SRBD1: variants seen among roughly 807,000 people sequenced by gnomAD.
SRBD1 encodes S1 RNA binding domain 1.
In SRBD1, 88 loss-of-function variants were observed where a neutral mutation model predicts 115.3. The observed-to-expected ratio is 0.76, with a 90% CI of 0.64 to 0.91. SRBD1 has a LOEUF of 0.91. SRBD1 is among the 40% of genes least tolerant of loss of function. The pLI is 0.00. For synonymous variants in SRBD1, 509 were observed against 407.7 expected, an observed-to-expected ratio of 1.25 and a Z score of -2.99; for missense variants, 1,385 against 1,177.4, an observed-to-expected ratio of 1.18 and a Z score of -2.58.
intron 11 of SRBD1, among the ~76,000 whole-genome samples, chr2:45,552,227 G>C (rs1672323794): frequency 6.6e-6 from 1 of 152,188 alleles, no homozygotes; most frequent in Non-Finnish European, 1.5e-5. Context: ...AACAAACCAA[G>C]TGGGAGTGTC....
In SRBD1 at chr2:45,507,628, G is replaced by T. The variant is rs546546611; in HGVS notation, c.1875-19297C>A. Reference sequence around the variant, plus strand: ...CCCAGCTACTCAAGAGGCTGAGGCAGGAGAATTGCTTGAACCCAAGAGGTG... The same window carrying T: ...CCCAGCTACTCAAGAGGCTGAGGCATGAGAATTGCTTGAACCCAAGAGGTG... On this transcript the variant is annotated intron_variant, in intron 14 of 20. Transcript: ENST00000263736. Among the ~76,000 whole-genome samples the T allele has an allele frequency of 2.0e-5, 3 of 152,040 alleles. No homozygotes were observed. In the South Asian group the frequency reaches 6.2e-4, roughly 32 times the overall value.
Position 45,605,373 on chromosome 2 carries a change from T to A in SRBD1, c.69A>T (p.Ser23=). 1.2e-6 allele frequency: 2 copies of A among 1,613,484 alleles called. No individual in the cohort carries two copies. Among genetic ancestry groups the A allele is most frequent in the Non-Finnish European group, 1.7e-6 (2 of 1,179,884 alleles). ...QDVVLKDEFS[S]FSELSSASEE... is the part of the protein sequence containing the mutation. ...ACCAGTATGCTTACAACTCAGAGAA[T>A]GAAGAAAATTCATCTTTCAGTACCA... is the stretch of plus-strand genomic sequence containing the variant. The change falls in exon 2 of 21, where the codon TCA becomes TCT. Residue 23 remains serine, a synonymous_variant. Coordinates refer to ENST00000263736, the MANE Select transcript of SRBD1 (RefSeq NM_018079.5).
intron 16 of SRBD1, among the ~76,000 whole-genome samples, chr2:45,457,769 T>C (rs1010106553): frequency 5.9e-5 from 9 of 152,020 alleles, no homozygotes; most frequent in African/African-American, 9.7e-5. Flanking sequence ...AGCTGTTGAC[T>C]TCAAGAGACC....
At chr2:45,500,970 G>A (rs182312837) in intron 14 of SRBD1, among the ~76,000 whole-genome samples, 16 of 152,160 alleles carry the variant, frequency 1.1e-4, no homozygotes, top group East Asian at 7.7e-4. Flanking sequence ...CTGTATCTTA[G>A]TAGAAAGGCT....
intron 6 of SRBD1, among the ~76,000 whole-genome samples, chr2:45,581,272 T>A (rs1337020604): frequency 1.3e-5 from 2 of 152,140 alleles, no homozygotes; most frequent in Admixed American, 1.3e-4. Flanking sequence ...ACATCCTCCA[T>A]CCACACTTCA....
intron 9 of SRBD1, among the ~76,000 whole-genome samples, chr2:45,571,570 C>G (rs950643576): frequency 1.5e-5 from 2 of 133,788 alleles, no homozygotes; most frequent in Admixed American, 1.6e-4. Flanking sequence ...TAGACATTGA[C>G]CTTACAAAAC....
intron 2 of SRBD1, among the ~76,000 whole-genome samples, chr2:45,603,599 G>A (rs932602028): frequency 2.5e-4 from 38 of 152,056 alleles, no homozygotes; most frequent in African/African-American, 4.6e-4. Context: ...ACGTGATCTC[G>A]GTTCACTGCA....
intron 14 of SRBD1, among the ~76,000 whole-genome samples, chr2:45,490,958 C>G (rs1670273853): frequency 6.6e-6 from 1 of 151,520 alleles, no homozygotes; most frequent in African/African-American, 2.4e-5. Flanking sequence ...CAGCATAGAT[C>G]AGAAATCTTA....
At chr2:45,495,065 C>G (rs764730085) in intron 14 of SRBD1, among the ~76,000 whole-genome samples, 3 of 152,182 alleles carry the variant, frequency 2.0e-5, no homozygotes, top group Non-Finnish European at 4.4e-5. Flanking sequence ...ACCAGAGGAT[C>G]TAAGTATACT....
At chr2:45,435,240 T>C (rs1668458274) in intron 16 of SRBD1, among the ~76,000 whole-genome samples, 1 of 152,118 alleles carries the variant, frequency 6.6e-6, no homozygotes. Context: ...CAACCAATTT[T>C]AGACAGCTGC....
intron 16 of SRBD1, among the ~76,000 whole-genome samples, chr2:45,470,000 C>G (rs149851006): frequency 1.1e-3 from 174 of 152,290 alleles, no homozygotes; most frequent in African/African-American, 4.0e-3. Context: ...TTTCAAAATA[C>G]TGCTTTTGTG....
intron 14 of SRBD1, among the ~76,000 whole-genome samples, chr2:45,503,963 T>A (rs1036746658): frequency 1.3e-5 from 2 of 152,174 alleles, no homozygotes; most frequent in Non-Finnish European, 2.9e-5. Flanking sequence ...TCCTTCTTTA[T>A]ATAACTCAAG....
chr2:45,400,130 G>A (rs766982969), intron 19 of SRBD1, among the ~76,000 whole-genome samples: 8 of 152,106 alleles, frequency 5.3e-5, no homozygotes, highest in Non-Finnish European at 7.4e-5. Flanking sequence ...ATCCCTAGTT[G>A]TCCTCTGAAT....
At chr2:45,473,982 C>T (rs1669728999) in intron 16 of SRBD1, among the ~76,000 whole-genome samples, 1 of 152,114 alleles carries the variant, frequency 6.6e-6, no homozygotes, top group Non-Finnish European at 1.5e-5. Flanking sequence ...TTTTTCAGTT[C>T]AAAACTGCAT....
rs533315410 is a variant in SRBD1 at position 45,431,114 on chromosome 2, C to T, written c.2050-11220G>A. Among the ~76,000 whole-genome samples, 12 of 152,192 alleles carry T rather than the reference C, an allele frequency of 7.9e-5. No individual in the cohort carries two copies. In the East Asian group the frequency reaches 2.1e-3, roughly 27 times the overall value. On this transcript the variant is annotated intron_variant, in intron 16 of 20. Transcript: ENST00000263736. The stretch of plus-strand genomic sequence containing the variant: ...TACAATCTCACGCTAGTTAGAATGG[C>T]GATCATTAAAAAGTCAGGAAACAAC...
intron 16 of SRBD1, among the ~76,000 whole-genome samples, chr2:45,474,559 G>A (rs1669748909): frequency 6.6e-6 from 1 of 152,160 alleles, no homozygotes; most frequent in Admixed American, 6.5e-5. Context: ...GGAGGAGGAG[G>A]TCAGTACAGG....
At chr2:45,439,319 A>G (rs1668590645) in intron 16 of SRBD1, among the ~76,000 whole-genome samples, 1 of 151,880 alleles carries the variant, frequency 6.6e-6, no homozygotes, top group Admixed American at 6.6e-5. Flanking sequence ...CTTAAAAGAC[A>G]TAAAACCAGA....
intron 15 of SRBD1, 45 bp downstream of exon 15, chr2:45,488,195 A>G: frequency 9.0e-6 from 14 of 1,560,640 alleles, no homozygotes; most frequent in Non-Finnish European, 1.2e-5. Flanking sequence ...ATGCTGCCCA[A>G]AATATCAAAA....
At chr2:45,539,763 G>C (rs1168296597) in intron 14 of SRBD1, among the ~76,000 whole-genome samples, 1 of 152,090 alleles carries the variant, frequency 6.6e-6, no homozygotes, top group Non-Finnish European at 1.5e-5. Flanking sequence ...CTTACCATCA[G>C]TCCAGGCCTA....
Sources: gnomAD v4.1 joint callset for allele counts (sites outside exome capture counted in the v4.1 genomes callset) on GRCh38, gnomAD v4.1.1 for gene constraint, MANE v1.5 for transcripts, NCBI Gene and HGNC (gene_info 2026-07-23, HGNC 2026-07-21) for gene names.